Variants in LRBA observed in about 807,000 individuals in gnomAD.
The protein encoded by LRBA is LPS responsive beige-like anchor protein.
In LRBA, 176 loss-of-function variants were observed where a neutral mutation model predicts 330.0. That is an observed-to-expected ratio of 0.53 (90% CI 0.47 to 0.60). The LOEUF (loss-of-function observed/expected upper bound fraction) is 0.60, where lower values mean the gene tolerates loss of function less well. Among genes scored for constraint, LRBA ranks in the 20% least tolerant of loss-of-function variants. The pLI is 0.00. For missense variants in LRBA, 3,259 were observed against 3,444.8 expected, an observed-to-expected ratio of 0.95 and a Z score of 1.35; for synonymous variants, 1,230 against 1,193.0, an observed-to-expected ratio of 1.03 and a Z score of -0.64.
intron 40 of LRBA, among the ~76,000 whole-genome samples, chr4:150,536,167 G>T (rs1296179656): frequency 1.3e-5 from 2 of 152,070 alleles, no homozygotes; most frequent in Non-Finnish European, 2.9e-5. Context: ...ATGAAAAAAA[G>T]ACTTAACAGA....
At position 150,321,511 on chromosome 4, in the gene LRBA, G is replaced by C. The variant is rs946704001; in HGVS notation, c.7453-143C>G. Reference sequence around the variant, plus strand: ...CATGAGTTGTAAGTGGAAGCACAGTGAGCAGAAAGGCTTGTAGAAACAGCA... The same window carrying C: ...CATGAGTTGTAAGTGGAAGCACAGTCAGCAGAAAGGCTTGTAGAAACAGCA... On this transcript the variant is annotated intron_variant, in intron 49 of 56. Transcript: ENST00000651943. The surrounding 1 kb of genome is among the most constrained non-coding windows in gnomAD (Gnocchi z 4.5). The C allele has an allele frequency of 1.6e-6, 1 of 608,810 alleles. No individual in the cohort carries two copies. The highest frequency in any genetic ancestry group is 1.9e-5 in the African/African-American group (1 of 52,100). The allele number at this position is 608,810 out of a possible 1,614,324, so 37.7% of individuals were successfully genotyped here. A position where few individuals can be genotyped will look rare whatever the true frequency, so the allele number is the denominator to read the frequency against.
At chr4:150,906,556 T>A (rs1485503791) in intron 11 of LRBA, 151 bp from the exon 12 acceptor site, 2 of 537,278 alleles carry the variant, frequency 3.7e-6, no homozygotes, top group Non-Finnish European at 6.6e-6. Context: ...CAACATTACA[T>A]CAGAACTAGA....
chr4:150,862,520 G>A (rs939185853), intron 22 of LRBA, among the ~76,000 whole-genome samples: 1 of 151,962 alleles, frequency 6.6e-6, no homozygotes, highest in Non-Finnish European at 1.5e-5. Flanking sequence ...CACACACTGG[G>A]GCCTGTCATG....
At chr4:150,280,477 C>G (rs752955003) in intron 55 of LRBA, among the ~76,000 whole-genome samples, 1 of 152,230 alleles carries the variant, frequency 6.6e-6, no homozygotes, top group Non-Finnish European at 1.5e-5. Flanking sequence ...AACTTTGCTG[C>G]TCTGTACAGG....
At chr4:150,957,574 AC>A (rs954051394) in intron 2 of LRBA, among the ~76,000 whole-genome samples, 1 of 148,064 alleles carries the variant, frequency 6.8e-6, no homozygotes, top group Non-Finnish European at 1.5e-5. Flanking sequence ...ACATTTCAAA[AC>A]CAATCATGCC....
chr4:150,300,898 G>A (rs566765460), intron 53 of LRBA, among the ~76,000 whole-genome samples: 6 of 151,968 alleles, frequency 3.9e-5, no homozygotes, highest in African/African-American at 1.2e-4. Flanking sequence ...TGGTAATGAC[G>A]GTGTATAACA....
chr4:150,681,250 T>C (rs1413932872), intron 37 of LRBA, among the ~76,000 whole-genome samples: 1 of 152,212 alleles, frequency 6.6e-6, no homozygotes, highest in Non-Finnish European at 1.5e-5. Context: ...CAAAGTACAC[T>C]GTGTTATTCC....
rs891762244 is a variant in LRBA, at chr4:150,718,072, C to T, written c.5754+17186G>A. 2.6e-4 allele frequency among the ~76,000 whole-genome samples: 39 copies of T among 152,230 alleles called. 1 individual carries two copies. Among genetic ancestry groups the T allele is most frequent in the African/African-American group, 8.7e-4 (36 of 41,554 alleles). On this transcript the variant is annotated intron_variant, in intron 36 of 56. Coordinates refer to ENST00000651943, the MANE Select transcript of LRBA (RefSeq NM_001364905.1). Reference sequence around the variant, plus strand: ...ACAATGTTTACAAGGTATGATGTTTCTGCATGACATAATTTTTTTCATAAA... The same window carrying T: ...ACAATGTTTACAAGGTATGATGTTTTTGCATGACATAATTTTTTTCATAAA...
At chr4:150,884,817 G>A (rs1171116265) in intron 17 of LRBA, among the ~76,000 whole-genome samples, 1 of 151,924 alleles carries the variant, frequency 6.6e-6, no homozygotes, top group African/African-American at 2.4e-5. Flanking sequence ...CAGTAAAAGA[G>A]CAATAATCAA....
At chr4:150,325,115 A>C (rs1025433865) in intron 49 of LRBA, among the ~76,000 whole-genome samples, 1 of 152,128 alleles carries the variant, frequency 6.6e-6, no homozygotes, top group African/African-American at 2.4e-5. Flanking sequence ...GTCTGTCTTC[A>C]TTCTCATGGG....
chr4:150,920,120 T>A (rs1279796211), intron 5 of LRBA, among the ~76,000 whole-genome samples: 1 of 152,226 alleles, frequency 6.6e-6, no homozygotes, highest in African/African-American at 2.4e-5. Flanking sequence ...AAATGTCATA[T>A]TAAAACATAT....
intron 40 of LRBA, among the ~76,000 whole-genome samples, chr4:150,540,656 A>G (rs1765221394): frequency 6.6e-6 from 1 of 152,196 alleles, no homozygotes; most frequent in Non-Finnish European, 1.5e-5. Context: ...TACTTTCTTA[A>G]AAGTGTTTTT....
intron 2 of LRBA, among the ~76,000 whole-genome samples, chr4:150,964,909 A>G (rs537411195): frequency 6.6e-6 from 1 of 152,376 alleles, no homozygotes; most frequent in Non-Finnish European, 1.5e-5. Flanking sequence ...GGTCAACCTT[A>G]GTCATAAGGG....
intron 40 of LRBA, among the ~76,000 whole-genome samples, chr4:150,585,631 T>C (rs1296335044): frequency 6.6e-6 from 1 of 152,232 alleles, no homozygotes; most frequent in Non-Finnish European, 1.5e-5. Flanking sequence ...AAGGTAACTA[T>C]ATACTCCATT....
chr4:150,542,243 G>C (rs1196812615), intron 40 of LRBA, among the ~76,000 whole-genome samples: 1 of 152,150 alleles, frequency 6.6e-6, no homozygotes, highest in East Asian at 1.9e-4. Flanking sequence ...ATGGGTAAGA[G>C]CATGAATTCT....
chr4:150,975,689 T>G (rs539282891), intron 2 of LRBA, among the ~76,000 whole-genome samples: 1 of 152,102 alleles, frequency 6.6e-6, no homozygotes, highest in East Asian at 1.9e-4. Flanking sequence ...TAAGCCTAGA[T>G]GGGCACATTA....
intron 35 of LRBA, among the ~76,000 whole-genome samples, chr4:150,748,173 C>T (rs911478272): frequency 1.4e-4 from 22 of 152,192 alleles, no homozygotes; most frequent in African/African-American, 5.3e-4. Context: ...CTATTAAATA[C>T]ATCACATATA....
At chr4:150,494,372 A>T (rs56220736) in intron 40 of LRBA, among the ~76,000 whole-genome samples, 4,637 of 152,334 alleles carry the variant, frequency 0.03, 109 homozygotes, top group Middle Eastern at 0.054. Flanking sequence ...ATATGTTAGG[A>T]ATATCACACA....
At position 150,385,352 on chromosome 4, in the gene LRBA, C is replaced by A. The variant is rs541661170; in HGVS notation, c.7194+30086G>T. On this transcript the variant is annotated intron_variant, in intron 47 of 56. Transcript: ENST00000651943. ...AATCTGCATTATAGCCATAAAGGGG[C>A]GAATAGACCAGTCATAAAAAATAAA... Among the ~76,000 whole-genome samples the A allele has an allele frequency of 2.0e-5, 3 of 151,996 alleles. No homozygotes were observed. In the South Asian group the frequency reaches 6.2e-4, roughly 32 times the overall value.
Sources: allele counts gnomAD v4.1 joint callset (sites outside exome capture counted in the v4.1 genomes callset), GRCh38; gene constraint gnomAD v4.1.1; non-coding constraint Gnocchi (gnomAD v3.1); transcripts MANE v1.5; gene names NCBI Gene and HGNC (gene_info 2026-07-23, HGNC 2026-07-21).